Variants in RNF7 observed in about 807,000 individuals in gnomAD.
RNF7 encodes the protein RING-box protein 2.
A neutral mutation model predicts 17.0 loss-of-function variants in RNF7; 9 were observed. That is an observed-to-expected ratio of 0.53 (90% CI 0.32 to 0.92). The LOEUF (loss-of-function observed/expected upper bound fraction) is 0.92. Ranked by LOEUF, RNF7 falls within the 40% of genes least tolerant of loss-of-function variation. RNF7 has a pLI of 0.04. For missense variants in RNF7, 87 were observed against 145.8 expected (o/e 0.60, Z 2.08); for synonymous variants, 59 against 50.5 (o/e 1.17, Z -0.72).
intron 1 of RNF7, among the ~76,000 whole-genome samples, chr3:141,739,333 T>C (rs889370266): frequency 2.6e-5 from 4 of 152,352 alleles, no homozygotes; most frequent in East Asian, 1.9e-4. Flanking sequence ...CTTACAAATA[T>C]GTCTTCTTTC....
At chr3:141,742,672 C>G (rs531186453) in intron 1 of RNF7, 3 of 1,164,210 alleles carry the variant, frequency 2.6e-6, no homozygotes, top group South Asian at 1.3e-5. Context: ...GTAATTGGTC[C>G]GAGGCCCTGA....
chr3:141,744,787 C>T (rs2084455437), intron 2 of RNF7, among the ~76,000 whole-genome samples: 1 of 152,174 alleles, frequency 6.6e-6, no homozygotes, highest in South Asian at 2.1e-4. Flanking sequence ...ATTGGAAGGA[C>T]ATTTTCCCAT....
At chr3:141,743,170 T>G (rs2084438541) in intron 1 of RNF7, 1 of 235,672 alleles carries the variant, frequency 4.2e-6, no homozygotes, top group Non-Finnish European at 8.2e-6. Context: ...AAATAAACTG[T>G]CCATGAGCAT....
At chr3:141,742,509 C>G in intron 1 of RNF7, 1 of 697,384 alleles carries the variant, frequency 1.4e-6, no homozygotes, top group Admixed American at 3.3e-5. Flanking sequence ...TACAGGCGAG[C>G]ATTTTCTTAC....
In RNF7 at chr3:141,747,309, AAAGTT is replaced by A. The variant is rs1415956474; in HGVS notation, c.*2036_*2040del. 4 of 152,242 alleles carry A rather than the reference AAAGTT, an allele frequency of 2.6e-5. No individual in the cohort carries two copies. The highest frequency in any genetic ancestry group is 7.2e-5 in the African/African-American group (3 of 41,460). 9.4% of individuals were successfully genotyped at this position (152,242 alleles called of 1,614,324 possible). A position where few individuals can be genotyped will look rare whatever the true frequency, so the allele number is the denominator to read the frequency against. On this transcript the variant is annotated 3_prime_UTR_variant, in exon 3 of 3. Transcript: ENST00000273480. ...CGGGACAATTTTGGGTTCCAATACAAAAGTTAAGCATCAAACAGGTTTTTCTTTCC... is the reference window on the plus strand; with the variant it reads ...CGGGACAATTTTGGGTTCCAATACAAAAGCATCAAACAGGTTTTTCTTTCC...
intron 1 of RNF7, among the ~76,000 whole-genome samples, chr3:141,743,274 A>T (rs1298293469): frequency 6.6e-6 from 1 of 152,164 alleles, no homozygotes; most frequent in Non-Finnish European, 1.5e-5. Context: ...ACATCTTTTC[A>T]TCAGAGCTTA....
At position 141,745,853 on chromosome 3, in the gene RNF7, T is replaced by G. The variant is rs1430998822; in HGVS notation, c.*576T>G. On this transcript the variant is annotated 3_prime_UTR_variant, in exon 3 of 3. Coordinates refer to ENST00000273480, the MANE Select transcript of RNF7 (RefSeq NM_014245.5). ...TGAGCATATGGAATTTTGATTGCCTTTAAAGTTACTATTCTGTATCATTGA... is the reference window on the plus strand; with the variant it reads ...TGAGCATATGGAATTTTGATTGCCTGTAAAGTTACTATTCTGTATCATTGA... The G allele has an allele frequency of 6.6e-6, 1 of 152,240 alleles. No homozygotes were observed. Among genetic ancestry groups the G allele is most frequent in the Non-Finnish European group, 1.5e-5 (1 of 68,068 alleles). 9.4% of individuals were successfully genotyped at this position (152,240 alleles called of 1,614,324 possible).
In RNF7 at chr3:141,739,500, A is replaced by G. The variant is rs144995760; in HGVS notation, c.175+984A>G. On this transcript the variant is annotated intron_variant, in intron 1 of 2. Coordinates refer to ENST00000273480, the MANE Select transcript of RNF7 (RefSeq NM_014245.5). ...TTCAGATAGGGCATTTAAAATTACT[A>G]TGAGACCCTCTTCAGTGGAATTCTT... Among the ~76,000 whole-genome samples, 47 of 152,350 alleles carry G rather than the reference A, an allele frequency of 3.1e-4. No individual in the cohort carries two copies. The East Asian group carries it at 8.9e-3, about 29-fold the overall frequency.
intron 1 of RNF7, among the ~76,000 whole-genome samples, chr3:141,741,126 C>G (rs933767334): frequency 1.3e-5 from 2 of 152,174 alleles, no homozygotes; most frequent in African/African-American, 4.8e-5. Context: ...CTTTTTGGAG[C>G]CTTATTTTCC....
chr3:141,738,326 G>C lies in RNF7; in HGVS notation c.-16G>C. 3 of 1,551,276 alleles carry C rather than the reference G, an allele frequency of 1.9e-6. No homozygotes were observed. Among genetic ancestry groups the C allele is most frequent in the African/African-American group, 1.4e-5 (1 of 73,136 alleles). On this transcript the variant is annotated 5_prime_UTR_variant, in exon 1 of 3. Transcript: ENST00000273480. The stretch of plus-strand genomic sequence containing the variant: ...CCCCAAGCCAACGTCTCCGCCGTCG[G>C]CTCCGCGGCGCCGCCATGGCCGACG...
At chr3:141,739,939 C>T (rs1037842006) in intron 1 of RNF7, among the ~76,000 whole-genome samples, 1 of 151,834 alleles carries the variant, frequency 6.6e-6, no homozygotes, top group African/African-American at 2.4e-5. Flanking sequence ...TGGGAGGATC[C>T]CTTGAGCCCA....
Position 141,747,375 on chromosome 3 carries a change from C to G in RNF7, c.*2098C>G, listed in dbSNP as rs182217740. On this transcript the variant is annotated 3_prime_UTR_variant, in exon 3 of 3. Coordinates refer to ENST00000273480, the MANE Select transcript of RNF7 (RefSeq NM_014245.5). ...ATGTGCTGATTTTATTTTACTGTTG[C>G]ATTAGAAACAAACAAGTTATCTTTC... 3 of 151,566 alleles carry G rather than the reference C, an allele frequency of 2.0e-5. No individual in the cohort carries two copies. Among genetic ancestry groups the G allele is most frequent in the Non-Finnish European group, 2.9e-5 (2 of 67,952 alleles). 9.4% of individuals were successfully genotyped at this position (151,566 alleles called of 1,614,324 possible). A position where few individuals can be genotyped will look rare whatever the true frequency, so the allele number is the denominator to read the frequency against.
chr3:141,745,131 T>C, intron 2 of RNF7, 28 bp from the exon 3 acceptor site: 2 of 1,428,562 alleles, frequency 1.4e-6, no homozygotes, highest in Non-Finnish European at 2.0e-6. Flanking sequence ...AAATATGTAA[T>C]GTCAACTCTT....
chr3:141,742,945 CA>C, intron 1 of RNF7: 1 of 1,014,384 alleles, frequency 9.9e-7, no homozygotes, highest in Non-Finnish European at 1.2e-6. Flanking sequence ...GTTTATGAAG[CA>C]ATTTTTTAAT....
At chr3:141,743,026 G>C in intron 1 of RNF7, 1 of 497,566 alleles carries the variant, frequency 2.0e-6, no homozygotes, top group Non-Finnish European at 2.7e-6. Context: ...ACCTGGAAGA[G>C]TGAAAACTCT....
At chr3:141,740,937 G>C (rs1165651195) in intron 1 of RNF7, among the ~76,000 whole-genome samples, 2 of 152,132 alleles carry the variant, frequency 1.3e-5, no homozygotes, top group Admixed American at 1.3e-4. Context: ...TTGCCTGTCA[G>C]CCCATTCTGA....
chr3:141,738,910 AG>A (rs1200540912), intron 1 of RNF7, among the ~76,000 whole-genome samples: 41 of 152,356 alleles, frequency 2.7e-4, no homozygotes, highest in Admixed American at 1.7e-3. Flanking sequence ...CACCTCTAAA[AG>A]CTCAACACAA....
chr3:141,747,188 G>A lies in RNF7; in HGVS notation c.*1911G>A, dbSNP rs1442872987. The stretch of plus-strand genomic sequence containing the variant: ...CATCTGAGGGAAGAGGAGGCACTGT[G>A]ACAAAGCAGCGCTGATGCTGCTCAG... On this transcript the variant is annotated 3_prime_UTR_variant, in exon 3 of 3. Coordinates refer to ENST00000273480, the MANE Select transcript of RNF7 (RefSeq NM_014245.5). 1.3e-5 allele frequency: 2 copies of A among 152,386 alleles called. No individual in the cohort carries two copies. Among genetic ancestry groups the A allele is most frequent in the African/African-American group, 2.4e-5 (1 of 41,566 alleles). The allele number at this position is 152,386 out of a possible 1,614,324, so 9.4% of individuals were successfully genotyped here.
Position 141,738,434 on chromosome 3 carries a change from C to T in RNF7, c.93C>T (p.Ser31=), listed in dbSNP as rs943358986. The change falls in exon 1 of 3, where the codon TCC becomes TCT. Residue 31 remains serine (S), a synonymous_variant. Coordinates refer to ENST00000273480, the MANE Select transcript of RNF7 (RefSeq NM_014245.5). ...AGTCGGGAGGCGACAAGATGTTCTC[C>T]CTCAAGAAGTGGAACGCGGTGGCCA... is the stretch of plus-strand genomic sequence containing the variant. The part of the protein sequence containing the change: ...GSKSGGDKMF[S]LKKWNAVAMW... 6 of 1,613,174 alleles carry T rather than the reference C, an allele frequency of 3.7e-6. No homozygotes were observed. The highest frequency in any genetic ancestry group is 1.3e-5 in the African/African-American group (1 of 74,914).
Sources: allele counts gnomAD v4.1 joint callset (sites outside exome capture counted in the v4.1 genomes callset), GRCh38; gene constraint gnomAD v4.1.1; transcripts MANE v1.5; gene names NCBI Gene and HGNC (gene_info 2026-07-23, HGNC 2026-07-21).